The following AK9 variants were observed in gnomAD, a reference collection of about 807,000 sequenced individuals.
AK9 encodes the protein adenylate kinase 9.
A neutral mutation model predicts 239.6 loss-of-function variants in AK9; 191 were observed. The ratio of observed to expected loss-of-function variants is 0.80; its 90% CI spans 0.71 to 0.90. The LOEUF (loss-of-function observed/expected upper bound fraction) is 0.90, where lower values mean the gene tolerates loss of function less well. Ranked by LOEUF, AK9 falls within the 40% of genes least tolerant of loss-of-function variation. The probability of loss-of-function intolerance (pLI) is 0.00; values close to 1 mark genes in which losing one functional copy is unlikely to be tolerated. For synonymous variants in AK9, 689 were observed against 721.0 expected, an observed-to-expected ratio of 0.96 and a Z score of 0.71; for missense variants, 1,995 against 2,214.7, an observed-to-expected ratio of 0.90 and a Z score of 1.99.
chr6:109,689,171 G>A (rs181417133), intron 1 of AK9, among the ~76,000 whole-genome samples: 33 of 152,288 alleles, frequency 2.2e-4, no homozygotes, highest in Middle Eastern at 3.4e-3. Context: ...AGTGGATTCT[G>A]CAGCTTGTCC....
In AK9 at chr6:109,674,196, A is replaced by G; in HGVS notation, c.181+2T>C. On this transcript the variant is annotated splice_donor_variant, in intron 3 of 40. Transcript: ENST00000424296. LOFTEE classifies it high-confidence loss of function. ...ATATTAGAGAAAAAAGATAAAATTT[A>G]CCTTCAACACGAATACATTTCCATG... 6.4e-7 allele frequency: 1 copy of G among 1,569,882 alleles called. No individual in the cohort carries two copies. The highest frequency in any genetic ancestry group is 8.6e-7 in the Non-Finnish European group (1 of 1,162,266).
chr6:109,605,894 A>G (rs893524377), intron 17 of AK9, among the ~76,000 whole-genome samples: 2 of 152,116 alleles, frequency 1.3e-5, no homozygotes, highest in Non-Finnish European at 2.9e-5. Context: ...TTCATATTCC[A>G]AAGAATTCCA....
chr6:109,550,434 TTATA>T, intron 24 of AK9, 132 bp from the exon 25 acceptor site: 6 of 666,828 alleles, frequency 9.0e-6, no homozygotes, highest in Non-Finnish European at 1.4e-5. Context: ...AAGCCAGTCC[TTATA>T]TTATTTTAAT....
chr6:109,633,264 T>C lies in AK9; in HGVS notation c.993A>G (p.Gln331=), dbSNP rs145653165. 3.1e-6 allele frequency: 5 copies of C among 1,609,624 alleles called. No homozygotes were observed. The African/African-American group carries it at 6.7e-5, about 22-fold the overall frequency. Residue 331 remains glutamine, a synonymous_variant, in exon 11 of 41, where the codon CAA becomes CAG. Transcript: ENST00000424296. ...YKLIAPRYRW[Q]RSKWGRTCPV... is the part of the protein sequence containing the mutation. ...GACATGTACGTCCCCATTTACTTCT[T>C]TGCCATCTGTATCTTGGTGCAATAA... is the stretch of plus-strand genomic sequence containing the variant.
At chr6:109,604,344 C>T in intron 17 of AK9, among the ~76,000 whole-genome samples, 1 of 152,296 alleles carries the variant, frequency 6.6e-6, no homozygotes, top group South Asian at 2.1e-4. Context: ...TGTTAATACA[C>T]TTTCTACTAG....
At chr6:109,598,281 T>C (rs1053943852) in intron 17 of AK9, among the ~76,000 whole-genome samples, 3 of 148,304 alleles carry the variant, frequency 2.0e-5, no homozygotes, top group Non-Finnish European at 4.5e-5. Context: ...TGTCCATGTG[T>C]TCTCATTGTT....
At chr6:109,517,331 A>C (rs770320076) in intron 29 of AK9, among the ~76,000 whole-genome samples, 1 of 152,184 alleles carries the variant, frequency 6.6e-6, no homozygotes, top group Non-Finnish European at 1.5e-5. Context: ...TGGTACTCAG[A>C]ATTTTAATAC....
intron 8 of AK9, among the ~76,000 whole-genome samples, chr6:109,654,573 C>A (rs1209081591): frequency 6.6e-6 from 1 of 152,036 alleles, no homozygotes; most frequent in Admixed American, 6.6e-5. Context: ...TCAGGCAATC[C>A]ACCCACCTTG....
At chr6:109,568,444 T>G (rs11153192) in intron 21 of AK9, among the ~76,000 whole-genome samples, 89,658 of 151,852 alleles carry the variant, frequency 0.59, 27,940 homozygotes, top group South Asian at 0.84. Flanking sequence ...TCAGGCAAGA[T>G]AAAGAAATAA....
At chr6:109,615,836 ACT>A (rs1424452622) in intron 13 of AK9, among the ~76,000 whole-genome samples, 3 of 152,190 alleles carry the variant, frequency 2.0e-5, no homozygotes, top group Non-Finnish European at 4.4e-5. Flanking sequence ...ACGATAGCAA[ACT>A]CTGACAAATA....
chr6:109,621,663 A>G (rs1249920583), intron 12 of AK9, among the ~76,000 whole-genome samples: 3 of 116,502 alleles, frequency 2.6e-5, no homozygotes, highest in Non-Finnish European at 5.1e-5. Flanking sequence ...AACACCGCAT[A>G]TTCTCACTCA....
chr6:109,579,324 T>C lies in AK9; in HGVS notation c.2191+226A>G, dbSNP rs1788523290. 1.1e-5 allele frequency: 5 copies of C among 442,626 alleles called. No individual in the cohort carries two copies. In the Admixed American group the frequency reaches 2.0e-4, roughly 18 times the overall value. The allele number at this position is 442,626 out of a possible 1,614,324, so 27.4% of individuals were successfully genotyped here. On this transcript the variant is annotated intron_variant, in intron 20 of 40. Transcript: ENST00000424296. Reference sequence around the variant, plus strand: ...AGTAGGTATCTCTGTCAAGAGTCATTTTCCTATGAATCCATTACTTCAGTA... The same window carrying C: ...AGTAGGTATCTCTGTCAAGAGTCATCTTCCTATGAATCCATTACTTCAGTA...
At chr6:109,617,056 TA>T (rs1406250283) in intron 13 of AK9, among the ~76,000 whole-genome samples, 1 of 151,962 alleles carries the variant, frequency 6.6e-6, no homozygotes, top group African/African-American at 2.4e-5. Flanking sequence ...TCACTAGTAA[TA>T]AAATGACAAA....
intron 5 of AK9, among the ~76,000 whole-genome samples, chr6:109,670,010 T>C (rs1001749495): frequency 6.6e-6 from 1 of 152,158 alleles, no homozygotes; most frequent in Non-Finnish European, 1.5e-5. Context: ...AGTATCGGCA[T>C]ACAGGAAGTA....
intron 3 of AK9, among the ~76,000 whole-genome samples, chr6:109,673,175 T>A (rs1037461375): frequency 1.3e-5 from 2 of 152,122 alleles, no homozygotes; most frequent in African/African-American, 4.8e-5. Context: ...AAGTAAACTT[T>A]TTGAACAAAG....
intron 1 of AK9, among the ~76,000 whole-genome samples, chr6:109,684,867 C>G (rs1773250414): frequency 1.6e-5 from 1 of 64,260 alleles, no homozygotes; most frequent in African/African-American, 6.2e-5. Flanking sequence ...GAGTGAGACT[C>G]CGTCTCAAAA....
intron 1 of AK9, among the ~76,000 whole-genome samples, chr6:109,688,865 G>A (rs923839060): frequency 6.6e-6 from 1 of 152,178 alleles, no homozygotes. Context: ...GATTGGGGGT[G>A]CTCAGGGTGG....
chr6:109,547,604 T>A (rs73523152), intron 25 of AK9, among the ~76,000 whole-genome samples: 1 of 151,846 alleles, frequency 6.6e-6, no homozygotes, highest in Non-Finnish European at 1.5e-5. Context: ...GAAGAAAACA[T>A]TGGGGAAGTG....
chr6:109,557,241 G>T (rs565528468), intron 24 of AK9, among the ~76,000 whole-genome samples: 1 of 152,004 alleles, frequency 6.6e-6, no homozygotes, highest in African/African-American at 2.4e-5. Flanking sequence ...CAATAGTCAG[G>T]TCCCTCTTCC....
Sources: allele counts gnomAD v4.1 joint callset (sites outside exome capture counted in the v4.1 genomes callset), GRCh38; gene constraint gnomAD v4.1.1; transcripts MANE v1.5; gene names NCBI Gene and HGNC (gene_info 2026-07-23, HGNC 2026-07-21).